The following CSMD3 variants were observed in gnomAD, a reference collection of about 807,000 sequenced individuals.
CSMD3 encodes CUB and Sushi multiple domains 3.
CSMD3 carries 177 observed loss-of-function variants against 435.2 expected under a neutral mutation model. The observed-to-expected ratio is 0.41, with a 90% CI of 0.36 to 0.46. The LOEUF (loss-of-function observed/expected upper bound fraction) is 0.46, where lower values mean the gene tolerates loss of function less well. Among genes scored for constraint, CSMD3 ranks in the 20% least tolerant of loss-of-function variants. The pLI is 0.34. For missense variants in CSMD3, 4,265 were observed against 4,504.6 expected (o/e 0.95, Z 1.52); for synonymous variants, 1,656 against 1,520.5 (o/e 1.09, Z -2.07).
At chr8:112,506,600 C>T (rs2130929267) in intron 29 of CSMD3, 91 bp downstream of exon 29, 1 of 1,256,186 alleles carries the variant, frequency 8.0e-7, no homozygotes, top group Non-Finnish European at 1.2e-6. Flanking sequence ...ATGCTATATA[C>T]AGAAATAGGA....
At chr8:113,007,706 T>C (rs1011873789) in intron 6 of CSMD3, among the ~76,000 whole-genome samples, 1 of 151,964 alleles carries the variant, frequency 6.6e-6, no homozygotes, top group Admixed American at 6.6e-5. Flanking sequence ...AGGGTGTTTT[T>C]CTTCCATCAA....
intron 1 of CSMD3, chr8:113,377,132 C>T: frequency 7.9e-7 from 1 of 1,258,258 alleles, no homozygotes; most frequent in Non-Finnish European, 1.0e-6. Flanking sequence ...CTCTCCGGTC[C>T]TCCAAAGGGC....
intron 50 of CSMD3, chr8:112,310,641 T>A: frequency 2.7e-6 from 1 of 375,060 alleles, no homozygotes; most frequent in Non-Finnish European, 5.1e-6. Flanking sequence ...CTCTATTACC[T>A]CTCTGCAGAC....
chr8:112,997,208 A>G (rs2085686591), intron 6 of CSMD3, among the ~76,000 whole-genome samples: 1 of 151,728 alleles, frequency 6.6e-6, no homozygotes, highest in Admixed American at 6.6e-5. Flanking sequence ...TCAAATATAG[A>G]GATGGAAAAT....
chr8:113,128,370 T>A (rs6469449), intron 4 of CSMD3, among the ~76,000 whole-genome samples: 103,020 of 151,330 alleles, frequency 0.68, 36,863 homozygotes, highest in East Asian at 0.95. Flanking sequence ...ATCCATAAAA[T>A]TTTTTTTTAT....
intron 5 of CSMD3, among the ~76,000 whole-genome samples, chr8:113,025,966 T>G (rs1432837042): frequency 6.6e-6 from 1 of 152,156 alleles, no homozygotes; most frequent in Non-Finnish European, 1.5e-5. Context: ...CAATGACTAT[T>G]GGCTCCCATA....
chr8:112,321,390 C>T lies in CSMD3; in HGVS notation c.7166-1409G>A, dbSNP rs1822983090. Among the ~76,000 whole-genome samples, 4 of 152,012 alleles carry T rather than the reference C, an allele frequency of 2.6e-5. No homozygotes were observed. In the South Asian group the frequency reaches 8.3e-4, roughly 32 times the overall value. ...GGAGTATTGAAAAGCATCAACTAGA[C>T]CAGCTCAGGAAGACTCCTATAGTAG... On this transcript the variant is annotated intron_variant, in intron 45 of 70. Transcript: ENST00000297405.
At chr8:113,311,452 G>A (rs1393709958) in intron 2 of CSMD3, 2 of 151,906 alleles carry the variant, frequency 1.3e-5, no homozygotes, top group South Asian at 2.1e-4. Flanking sequence ...CAAGACAAGT[G>A]TAAGAAGCCA....
At chr8:112,874,388 T>C (rs535052323) in intron 10 of CSMD3, among the ~76,000 whole-genome samples, 17 of 152,292 alleles carry the variant, frequency 1.1e-4, no homozygotes, top group African/African-American at 3.6e-4. Context: ...TTCTGTTTAT[T>C]TGGGGTGGAG....
chr8:112,239,449 G>C (rs1813905047), intron 66 of CSMD3, among the ~76,000 whole-genome samples: 1 of 151,824 alleles, frequency 6.6e-6, no homozygotes, highest in Non-Finnish European at 1.5e-5. Context: ...CGAGTTATTA[G>C]AGCTATGTTG....
intron 5 of CSMD3, among the ~76,000 whole-genome samples, chr8:113,058,209 A>T (rs1485036998): frequency 2.6e-5 from 4 of 152,002 alleles, no homozygotes; most frequent in Non-Finnish European, 5.9e-5. Context: ...TTTGAGAATT[A>T]TAATCTAACT....
At chr8:113,156,108 C>T (rs1017494247) in intron 4 of CSMD3, among the ~76,000 whole-genome samples, 10 of 151,974 alleles carry the variant, frequency 6.6e-5, no homozygotes, top group African/African-American at 2.4e-4. Flanking sequence ...TTAAGCTGTG[C>T]TGCCTAAATA....
chr8:112,614,429 G>A lies in CSMD3; in HGVS notation c.3715+22388C>T, dbSNP rs570622077. 5.9e-5 allele frequency among the ~76,000 whole-genome samples: 9 copies of A among 152,112 alleles called. No individual in the cohort carries two copies. In the South Asian group the frequency reaches 1.7e-3, roughly 28 times the overall value. On this transcript the variant is annotated intron_variant, in intron 22 of 70. Coordinates refer to ENST00000297405, the MANE Select transcript of CSMD3 (RefSeq NM_198123.2). ...TATTCTGAGTAAAACCAAAGCCTTT[G>A]TAATGACCCACAGAACCCCACCCGG...
intron 4 of CSMD3, among the ~76,000 whole-genome samples, chr8:113,168,299 G>T (rs1281521516): frequency 6.6e-6 from 1 of 151,774 alleles, no homozygotes; most frequent in African/African-American, 2.4e-5. Flanking sequence ...GGCTAAGGCG[G>T]GCAGATCACG....
chr8:113,111,081 A>G (rs1343261279), intron 4 of CSMD3, among the ~76,000 whole-genome samples: 3 of 152,224 alleles, frequency 2.0e-5, no homozygotes, highest in African/African-American at 7.2e-5. Flanking sequence ...CTATGGAGAG[A>G]GGATTTCAAT....
intron 10 of CSMD3, among the ~76,000 whole-genome samples, chr8:112,891,009 T>C (rs2081770610): frequency 6.6e-6 from 1 of 151,654 alleles, no homozygotes; most frequent in South Asian, 2.1e-4. Flanking sequence ...CATCTATACA[T>C]ATTAATATTT....
intron 5 of CSMD3, among the ~76,000 whole-genome samples, chr8:113,026,235 T>G (rs1181956765): frequency 6.6e-6 from 1 of 152,098 alleles, no homozygotes; most frequent in Non-Finnish European, 1.5e-5. Flanking sequence ...CAAAAAGAAG[T>G]CTCTCCCATC....
chr8:112,901,857 A>T (rs2130444340), intron 10 of CSMD3, among the ~76,000 whole-genome samples: 1 of 151,446 alleles, frequency 6.6e-6, no homozygotes, highest in African/African-American at 2.4e-5. Flanking sequence ...TTCTCAAATC[A>T]AATTGATGGG....
At chr8:112,468,232 G>GTGTTTTTTTTTTTTTTTTTTTTTT (rs1818152244) in intron 32 of CSMD3, among the ~76,000 whole-genome samples, 2 of 114,882 alleles carry the variant, frequency 1.7e-5, no homozygotes, top group Non-Finnish European at 1.8e-5. Flanking sequence ...ATTGCCTAAA[G>GTGTTTTTTTTTTTTTTTTTTTTTT]TATTTTTTTT....
Sources: gnomAD v4.1 joint callset for allele counts (sites outside exome capture counted in the v4.1 genomes callset) on GRCh38, gnomAD v4.1.1 for gene constraint, MANE v1.5 for transcripts, NCBI Gene and HGNC (gene_info 2026-07-23, HGNC 2026-07-21) for gene names.